The following MYO1A variants were observed in gnomAD, a reference collection of about 807,000 sequenced individuals.
The protein encoded by MYO1A is myosin IA, also known as unconventional myosin-Ia.
Under a neutral mutation model 138.5 loss-of-function variants are expected in MYO1A, and 127 were observed. The ratio of observed to expected loss-of-function variants is 0.92; its 90% confidence interval spans 0.79 to 1.06. The LOEUF (loss-of-function observed/expected upper bound fraction) is 1.06. Ranked by LOEUF, MYO1A falls within the 50% of genes least tolerant of loss-of-function variation. The pLI, the probability that MYO1A is intolerant of heterozygous loss-of-function variation, is 0.00. For synonymous variants in MYO1A, 477 were observed against 497.5 expected (o/e 0.96, Z 0.55); for missense variants, 1,211 against 1,288.8 (o/e 0.94, Z 0.92).
chr12:57,044,719 G>A (rs1024071959), intron 8 of MYO1A, among the ~76,000 whole-genome samples: 6 of 152,178 alleles, frequency 3.9e-5, no homozygotes, highest in Non-Finnish European at 8.8e-5. Flanking sequence ...TTTAAGTAGT[G>A]TTTAGGGTTT....
rs144492348 is a variant in MYO1A at position 57,039,264 on chromosome 12, C to T, written c.1280G>A (p.Trp427Ter). 107 of 1,613,852 alleles carry T rather than the reference C, an allele frequency of 6.6e-5. 1 individual carries two copies. Among genetic ancestry groups the T allele is most frequent in the Non-Finnish European group, 1.2e-5 (14 of 1,179,862 alleles). Reference protein sequence around the residue: ...QEEYKREGIPWTKVDYFDNGI... With the variant: ...QEEYKREGIP Reference sequence around the variant, plus strand: ...ATTATCAAAGTAGTCCACCTTTGTCCACGGTATGCCCTGGTCAGGGGAGAC... The same window carrying T: ...ATTATCAAAGTAGTCCACCTTTGTCTACGGTATGCCCTGGTCAGGGGAGAC... Residue 427 changes from tryptophan to a stop codon, truncating the protein, a stop_gained, in exon 15 of 28, where the codon TGG (tryptophan) becomes TAG (stop). Transcript: ENST00000300119. LOFTEE classifies it high-confidence loss of function.
At chr12:57,044,081 A>G in intron 9 of MYO1A, 25 bp downstream of exon 9, 1 of 1,614,144 alleles carries the variant, frequency 6.2e-7, no homozygotes, top group South Asian at 1.1e-5. Flanking sequence ...TAAGGGCCCA[A>G]GCCTGCCTCA....
chr12:57,028,798 T>C lies in MYO1A; in HGVS notation c.3089A>G (p.Tyr1030Cys), dbSNP rs1014037608. 3 of 1,613,972 alleles carry C rather than the reference T, an allele frequency of 1.9e-6. No homozygotes were observed. The highest frequency in any genetic ancestry group is 2.7e-5 in the African/African-American group (2 of 74,882). The change falls in exon 28 of 28, where the codon TAC becomes TGC. Residue 1030 changes from tyrosine (Y) to cysteine (C), a missense_variant. Transcript: ENST00000300119. ...CAAGCAATGACTCCCCTTTTTTTTG[T>C]AGCGTAGCTTGCTGTTGTCACCACC... is the stretch of plus-strand genomic sequence containing the variant. Reference protein sequence around the residue: ...PAGGDNSKLRYKKKGSHCLEV... With the variant: ...PAGGDNSKLRCKKKGSHCLEV...
In MYO1A at chr12:57,031,045, A is replaced by C. The variant is rs770192647; in HGVS notation, c.2479T>G (p.Trp827Gly). 6.2e-6 allele frequency: 10 copies of C among 1,613,736 alleles called. 1 individual carries two copies. In the East Asian group the frequency reaches 8.9e-5, roughly 14 times the overall value. The change falls in exon 23 of 28, where the codon TGG (tryptophan) becomes GGG (glycine). Residue 827 changes from tryptophan (W) to glycine (G), a missense_variant. Physicochemically the swap from Trp to Gly is radical, Grantham distance 184. Transcript: ENST00000300119. ...NQELQQLFYQ[W>G]KCKRFRDQLS... ...GGTGCCTGGGCTCCACTTGCCTTCC[A>C]CTGGTAGAAGAGCTGCTGCAGCTCC...
At position 57,029,852 on chromosome 12, in the gene MYO1A, C is replaced by T; in HGVS notation, c.2612G>A (p.Gly871Asp). The change falls in exon 25 of 28, where the codon GGT becomes GAT. Residue 871 changes from glycine to aspartate, a missense_variant. By Grantham distance (94) the Gly-to-Asp change is moderately conservative (BLOSUM62 -1). Coordinates refer to ENST00000300119, the MANE Select transcript of MYO1A (RefSeq NM_005379.4). ...GTTCCCTTGCAGCCCAATGTAGTCA[C>T]CACAGAATGGAATGGGGACACTGAG... is the stretch of plus-strand genomic sequence containing the variant. ...YPQSVPIPFCGDYIGLQGNPK... is the reference protein window; with the variant it reads ...YPQSVPIPFCDDYIGLQGNPK... The T allele has an allele frequency of 6.2e-7, 1 of 1,614,182 alleles. No individual in the cohort carries two copies. Among genetic ancestry groups the T allele is most frequent in the Non-Finnish European group, 8.5e-7 (1 of 1,180,036 alleles).
upstream of MYO1A, chr12:57,051,027 T>A (rs150358510): frequency 6.6e-6 from 1 of 152,358 alleles, no homozygotes; most frequent in East Asian, 1.9e-4. Flanking sequence ...CTCTGATAGA[T>A]AAGAAGTACC....
intron 4 of MYO1A, 52 bp from the exon 5 acceptor site, chr12:57,047,459 C>A: frequency 6.4e-7 from 1 of 1,570,080 alleles, no homozygotes; most frequent in Non-Finnish European, 8.8e-7. Flanking sequence ...AGCCCATCCC[C>A]CCACCTCCTT....
At chr12:57,044,472 ACCAC>A (rs1396544243) in intron 8 of MYO1A, among the ~76,000 whole-genome samples, 1 of 152,122 alleles carries the variant, frequency 6.6e-6, no homozygotes, top group Non-Finnish European at 1.5e-5. Flanking sequence ...CACTGCAAGC[ACCAC>A]CTCCCAGGTT....
chr12:57,033,646 AC>A (rs1323923812), intron 22 of MYO1A, among the ~76,000 whole-genome samples: 1 of 152,258 alleles, frequency 6.6e-6, no homozygotes, highest in South Asian at 2.1e-4. Flanking sequence ...GGAGTGAGTC[AC>A]CTTGCCTGGC....
At chr12:57,045,528 G>A (rs2031058761) in intron 8 of MYO1A, among the ~76,000 whole-genome samples, 1 of 152,158 alleles carries the variant, frequency 6.6e-6, no homozygotes, top group South Asian at 2.1e-4. Context: ...TGCCCATGAT[G>A]CAGACAAGTT....
chr12:57,041,530 G>GA (rs765769206), intron 12 of MYO1A, 33 bp from the exon 13 acceptor site: 18 of 1,578,556 alleles, frequency 1.1e-5, no homozygotes, highest in Non-Finnish European at 1.6e-5. Context: ...TCTGAGGACA[G>GA]GCCCCCTCTG....
intron 14 of MYO1A, among the ~76,000 whole-genome samples, chr12:57,040,597 G>T (rs1347397641): frequency 3.9e-5 from 6 of 152,210 alleles, no homozygotes; most frequent in Non-Finnish European, 8.8e-5. Context: ...CACATTGCCT[G>T]AAATTCTGTT....
intron 12 of MYO1A, among the ~76,000 whole-genome samples, chr12:57,042,843 C>G (rs2030917167): frequency 6.6e-6 from 1 of 152,154 alleles, no homozygotes; most frequent in African/African-American, 2.4e-5. Flanking sequence ...TGACTTTTTA[C>G]TTAATTGAAA....
chr12:57,047,855 AG>A, intron 3 of MYO1A, 133 bp downstream of exon 3: 1 of 1,560,744 alleles, frequency 6.4e-7, no homozygotes, highest in African/African-American at 1.4e-5. Context: ...AGGCCTTGGA[AG>A]GGGCCTCCAG....
At chr12:57,046,343 A>T (rs931269706) in intron 8 of MYO1A, among the ~76,000 whole-genome samples, 2 of 152,134 alleles carry the variant, frequency 1.3e-5, no homozygotes, top group Non-Finnish European at 2.9e-5. Flanking sequence ...AAAACCCCAG[A>T]AAAGGAAGAG....
intron 1 of MYO1A, among the ~76,000 whole-genome samples, chr12:57,048,881 C>T (rs544205634): frequency 6.6e-6 from 1 of 152,316 alleles, no homozygotes; most frequent in Non-Finnish European, 1.5e-5. Context: ...AAGGTCTCTC[C>T]TTCCCTGTCA....
At position 57,037,575 on chromosome 12, in the gene MYO1A, T is replaced by C. The variant is rs748775677; in HGVS notation, c.2028A>G (p.Thr676=). The C allele has an allele frequency of 6.2e-7, 1 of 1,614,134 alleles. No individual in the cohort carries two copies. The part of the protein sequence containing the change: ...MSSGELAFGK[T]KIFIRSPKTL... The stretch of plus-strand genomic sequence containing the variant: ...TCTTGGGGCTTCTAATGAAGATCTT[T>C]GTCTTGCCAAAGGCCAGCTCCCCCG... The change falls in exon 19 of 28, where the codon ACA becomes ACG. Residue 676 remains threonine (T), a synonymous_variant. Coordinates refer to ENST00000300119, the MANE Select transcript of MYO1A (RefSeq NM_005379.4).
intron 22 of MYO1A, among the ~76,000 whole-genome samples, chr12:57,033,531 A>AT (rs1324046436): frequency 6.6e-6 from 1 of 151,494 alleles, no homozygotes; most frequent in African/African-American, 2.4e-5. Flanking sequence ...TAATTTTTAA[A>AT]TTTTTTTTGT....
Position 57,047,101 on chromosome 12 carries a change from C to G in MYO1A, c.437G>C (p.Gly146Ala), listed in dbSNP as rs751006373. ...GTTGTTGCGAATGGTCTTGGCATTG[C>G]CAAAAGCTACAGAGATGAGGAGGGG... The part of the protein sequence containing the change: ...LQSNPVLEAF[G>A]NAKTIRNNNS... Residue 146 changes from glycine to alanine, a missense_variant, in exon 6 of 28, where the codon GGC becomes GCC. By Grantham distance (60) the Gly-to-Ala change is moderately conservative (BLOSUM62 0). Coordinates refer to ENST00000300119, the MANE Select transcript of MYO1A (RefSeq NM_005379.4). The G allele has an allele frequency of 6.2e-7, 1 of 1,613,992 alleles. No homozygotes were observed. The highest frequency in any genetic ancestry group is 1.7e-5 in the Admixed American group (1 of 60,014).
Sources: gnomAD v4.1 joint callset for allele counts (sites outside exome capture counted in the v4.1 genomes callset) on GRCh38, gnomAD v4.1.1 for gene constraint, MANE v1.5 for transcripts, NCBI Gene and HGNC (gene_info 2026-07-23, HGNC 2026-07-21) for gene names.